The following IGF2BP3 variants were observed in gnomAD, a reference collection of about 807,000 sequenced individuals.
IGF2BP3 encodes the protein insulin-like growth factor 2 mRNA-binding protein 3.
IGF2BP3 carries 9 observed loss-of-function variants against 73.8 expected under a neutral mutation model. The observed-to-expected ratio is 0.12, with a 90% CI of 0.07 to 0.21. The LOEUF (loss-of-function observed/expected upper bound fraction) is 0.21, where lower values mean the gene tolerates loss of function less well. Ranked by LOEUF, IGF2BP3 falls within the 10% of genes least tolerant of loss-of-function variation. The pLI is 1.00. For synonymous variants in IGF2BP3, 258 were observed against 256.7 expected (o/e 1.01, Z -0.05); for missense variants, 542 against 714.0 (o/e 0.76, Z 2.75).
rs1786850195 is a variant in IGF2BP3, at chr7:23,406,909, T to TC, written c.285+11866dup. ...TCCTTTAGCTAGACAGAAAAGTTCT[T>TC]CAAGTCCCCACCTGACCCAGAAGCC... On this transcript the variant is annotated intron_variant, in intron 3 of 14. Transcript: ENST00000258729. Among the ~76,000 whole-genome samples the TC allele has an allele frequency of 3.3e-5, 5 of 152,214 alleles. No individual in the cohort carries two copies. In the South Asian group the frequency reaches 8.3e-4, roughly 25 times the overall value.
At chr7:23,325,966 A>G (rs1342942110) in intron 10 of IGF2BP3, among the ~76,000 whole-genome samples, 1 of 152,186 alleles carries the variant, frequency 6.6e-6, no homozygotes, top group Non-Finnish European at 1.5e-5. Flanking sequence ...ACCTAAAACC[A>G]TAAAAACCCT....
intron 2 of IGF2BP3, among the ~76,000 whole-genome samples, chr7:23,431,559 A>G (rs1212976912): frequency 6.6e-6 from 1 of 152,200 alleles, no homozygotes; most frequent in Non-Finnish European, 1.5e-5. Context: ...GGTCACAGGT[A>G]CACTAAAGAA....
chr7:23,431,275 G>A (rs181477491), intron 2 of IGF2BP3: 48 of 152,296 alleles, frequency 3.2e-4, no homozygotes, highest in African/African-American at 1.1e-3. Context: ...ATAAGCTATT[G>A]TTTCTAGCCA....
intron 2 of IGF2BP3, among the ~76,000 whole-genome samples, chr7:23,446,394 T>C (rs1788065648): frequency 6.6e-6 from 1 of 151,956 alleles, no homozygotes; most frequent in Non-Finnish European, 1.5e-5. Context: ...AAACCTCATC[T>C]CTACTAAAAA....
chr7:23,402,516 T>G (rs924707009), intron 3 of IGF2BP3: 2 of 152,188 alleles, frequency 1.3e-5, no homozygotes, highest in Non-Finnish European at 2.9e-5. Flanking sequence ...TTTGAGCATT[T>G]GGCCAGGAAG....
intron 3 of IGF2BP3, among the ~76,000 whole-genome samples, chr7:23,371,174 C>T (rs1785531066): frequency 6.6e-6 from 1 of 152,064 alleles, no homozygotes. Flanking sequence ...CACACACACA[C>T]ACACCCTTCC....
In IGF2BP3 at chr7:23,337,512, T is replaced by C. The variant is rs149437004; in HGVS notation, c.1203+4552A>G. Reference sequence around the variant, plus strand: ...CAGACAAATAGCTGTCCCCAACATGTATTTTCCTTTAGTAACAGATCCTGT... The same window carrying C: ...CAGACAAATAGCTGTCCCCAACATGCATTTTCCTTTAGTAACAGATCCTGT... On this transcript the variant is annotated intron_variant, in intron 10 of 14. Coordinates refer to ENST00000258729, the MANE Select transcript of IGF2BP3 (RefSeq NM_006547.3). Among the ~76,000 whole-genome samples, 29 of 152,326 alleles carry C rather than the reference T, an allele frequency of 1.9e-4. No individual in the cohort carries two copies. The East Asian group carries it at 5.4e-3, about 28-fold the overall frequency.
intron 10 of IGF2BP3, among the ~76,000 whole-genome samples, chr7:23,324,029 A>C (rs1162470000): frequency 1.3e-5 from 2 of 152,190 alleles, no homozygotes; most frequent in African/African-American, 4.8e-5. Context: ...GCAAGAGAAA[A>C]CACATTCAAA....
chr7:23,365,104 G>A (rs1312546488), intron 3 of IGF2BP3, among the ~76,000 whole-genome samples: 4 of 151,900 alleles, frequency 2.6e-5, no homozygotes, highest in Non-Finnish European at 2.9e-5. Context: ...AGGTGGAGGT[G>A]GCAGTGAGCA....
intron 2 of IGF2BP3, among the ~76,000 whole-genome samples, chr7:23,459,426 TA>T (rs1217330599): frequency 1.3e-5 from 2 of 152,220 alleles, no homozygotes; most frequent in Non-Finnish European, 2.9e-5. Flanking sequence ...GCCAGTGCCC[TA>T]AAATAACCAG....
At chr7:23,457,439 T>A (rs955156908) in intron 2 of IGF2BP3, among the ~76,000 whole-genome samples, 6 of 152,024 alleles carry the variant, frequency 3.9e-5, no homozygotes, top group African/African-American at 4.8e-5. Context: ...CACTCCAGCC[T>A]GGGCGAGACC....
rs1397840606 is a variant in IGF2BP3, at chr7:23,464,345, TC to T, written c.236+4136del. ...GTTCTTCACTTTCTTTTTTGCATTT[TC>T]CCCCACTTTTACTGTGGTAAATACA... On this transcript the variant is annotated intron_variant, in intron 2 of 14. Coordinates refer to ENST00000258729, the MANE Select transcript of IGF2BP3 (RefSeq NM_006547.3). 3.9e-5 allele frequency among the ~76,000 whole-genome samples: 6 copies of T among 152,340 alleles called. No individual in the cohort carries two copies. In the East Asian group the frequency reaches 1.2e-3, roughly 29 times the overall value.
At chr7:23,417,193 A>T (rs1688783476) in intron 3 of IGF2BP3, among the ~76,000 whole-genome samples, 1 of 152,230 alleles carries the variant, frequency 6.6e-6, no homozygotes, top group South Asian at 2.1e-4. Context: ...TCTCAATAAA[A>T]TTGTTTTTGT....
At chr7:23,343,690 A>C (rs1784765644) in intron 9 of IGF2BP3, 28 bp downstream of exon 9, 2 of 1,586,220 alleles carry the variant, frequency 1.3e-6, no homozygotes, top group African/African-American at 2.7e-5. Flanking sequence ...TGTTAAAATA[A>C]AGACATGCCC....
chr7:23,357,182 T>C (rs1010779976), intron 5 of IGF2BP3, among the ~76,000 whole-genome samples: 2 of 152,222 alleles, frequency 1.3e-5, no homozygotes, highest in African/African-American at 4.8e-5. Context: ...CTTTAGCCAC[T>C]GGCCAAGTTG....
intron 3 of IGF2BP3, among the ~76,000 whole-genome samples, chr7:23,407,549 G>A (rs1786874572): frequency 6.6e-6 from 1 of 151,244 alleles, no homozygotes; most frequent in East Asian, 1.9e-4. Flanking sequence ...CAGAGGTTGT[G>A]GTGAGCCAAG....
At chr7:23,443,039 C>T (rs1584049992) in intron 2 of IGF2BP3, among the ~76,000 whole-genome samples, 1 of 147,214 alleles carries the variant, frequency 6.8e-6, no homozygotes, top group African/African-American at 2.5e-5. Flanking sequence ...TACTGAAACA[C>T]AAATCGTCCA....
intron 2 of IGF2BP3, among the ~76,000 whole-genome samples, chr7:23,419,972 T>C (rs1787297774): frequency 6.6e-6 from 1 of 152,192 alleles, no homozygotes; most frequent in African/African-American, 2.4e-5. Flanking sequence ...AATGCCTCCC[T>C]ACACATGTAT....
chr7:23,413,494 C>T (rs1207427983), intron 3 of IGF2BP3: 1 of 152,040 alleles, frequency 6.6e-6, no homozygotes, highest in East Asian at 1.9e-4. Flanking sequence ...AAAAACAAAA[C>T]AACAACAAAA....
Sources: allele counts gnomAD v4.1 joint callset (sites outside exome capture counted in the v4.1 genomes callset), GRCh38; gene constraint gnomAD v4.1.1; transcripts MANE v1.5; gene names NCBI Gene and HGNC (gene_info 2026-07-23, HGNC 2026-07-21).